The following NLGN1 variants were observed in gnomAD, a reference collection of about 807,000 sequenced individuals.
NLGN1 encodes neuroligin-1.
In NLGN1, 12 loss-of-function variants were observed where a neutral mutation model predicts 65.5. That is an observed-to-expected ratio of 0.18 (90% CI 0.12 to 0.30). NLGN1 has a LOEUF of 0.30. Among genes scored for constraint, NLGN1 ranks in the 10% least tolerant of loss-of-function variants. The probability of loss-of-function intolerance (pLI) is 1.00; values close to 1 mark genes in which losing one functional copy is unlikely to be tolerated. For missense variants in NLGN1, 750 were observed against 1,007.1 expected, an observed-to-expected ratio of 0.74 and a Z score of 3.46; for synonymous variants, 350 against 359.5, an observed-to-expected ratio of 0.97 and a Z score of 0.30.
At chr3:173,932,326 A>G (rs1232705077) in intron 4 of NLGN1, among the ~76,000 whole-genome samples, 2 of 152,204 alleles carry the variant, frequency 1.3e-5, no homozygotes, top group Non-Finnish European at 1.5e-5. Context: ...CATAAGAAAT[A>G]AATTAATCTA....
intron 4 of NLGN1, among the ~76,000 whole-genome samples, chr3:174,009,017 A>G (rs1174722961): frequency 6.6e-6 from 1 of 152,130 alleles, no homozygotes; most frequent in Non-Finnish European, 1.5e-5. Flanking sequence ...ACCCTGGGTG[A>G]CTTAGCAATG....
At chr3:173,940,314 C>CCTGA (rs1403382143) in intron 4 of NLGN1, among the ~76,000 whole-genome samples, 1 of 151,920 alleles carries the variant, frequency 6.6e-6, no homozygotes, top group African/African-American at 2.4e-5. Flanking sequence ...GTCTCGAACC[C>CCTGA]CTGACCTCAG....
intron 4 of NLGN1, among the ~76,000 whole-genome samples, chr3:174,058,024 G>A (rs556321585): frequency 6.6e-6 from 1 of 152,084 alleles, no homozygotes; most frequent in Non-Finnish European, 1.5e-5. Context: ...TTGTAGCTAA[G>A]ATGATTTATT....
At chr3:173,799,568 G>A (rs535408167) in intron 3 of NLGN1, among the ~76,000 whole-genome samples, 3 of 151,832 alleles carry the variant, frequency 2.0e-5, no homozygotes, top group South Asian at 2.1e-4. Flanking sequence ...GCCCTGACTC[G>A]GTAACTACCT....
At chr3:173,758,097 A>G (rs181638836) in intron 3 of NLGN1, among the ~76,000 whole-genome samples, 83 of 152,158 alleles carry the variant, frequency 5.5e-4, no homozygotes, top group Non-Finnish European at 8.7e-4. Flanking sequence ...TGCTGGCCTT[A>G]TAAGAAGAGG....
intron 4 of NLGN1, among the ~76,000 whole-genome samples, chr3:173,918,257 A>G (rs979417401): frequency 1.1e-4 from 16 of 152,124 alleles, no homozygotes; most frequent in African/African-American, 3.9e-4. Context: ...TGCAACATGA[A>G]ATGACCTCAC....
chr3:174,035,170 T>C (rs1433511876), intron 4 of NLGN1, among the ~76,000 whole-genome samples: 1 of 152,198 alleles, frequency 6.6e-6, no homozygotes, highest in East Asian at 1.9e-4. Context: ...GAGTGGTATT[T>C]ACTCTATGTT....
chr3:174,206,284 C>T (rs1340126731), intron 4 of NLGN1, among the ~76,000 whole-genome samples: 8 of 152,138 alleles, frequency 5.3e-5, no homozygotes, highest in African/African-American at 1.9e-4. Context: ...CCTCTGCATG[C>T]AGTGACAGGG....
intron 2 of NLGN1, among the ~76,000 whole-genome samples, chr3:173,553,512 G>A (rs1443521462): frequency 1.3e-5 from 2 of 152,136 alleles, no homozygotes; most frequent in Non-Finnish European, 2.9e-5. Context: ...TCAAGCCGAG[G>A]TTTACCCAAT....
At chr3:173,686,332 A>G (rs1298324582) in intron 3 of NLGN1, among the ~76,000 whole-genome samples, 1 of 151,964 alleles carries the variant, frequency 6.6e-6, no homozygotes, top group Non-Finnish European at 1.5e-5. Flanking sequence ...AATAAGTAAA[A>G]ATTTCTTTTA....
chr3:173,467,292 T>C lies in NLGN1; in HGVS notation c.-321+32214T>C, dbSNP rs549781449. ...TAGAATCATTTTAAATATATACATA[T>C]TGTTATCGATAGTAATTTACATTGC... On this transcript the variant is annotated intron_variant, in intron 2 of 6. Transcript: ENST00000457714. 1.9e-3 allele frequency among the ~76,000 whole-genome samples: 290 copies of C among 152,240 alleles called. 1 individual carries two copies. Among genetic ancestry groups the C allele is most frequent in the Admixed American group, 5.8e-3 (88 of 15,262 alleles).
intron 2 of NLGN1, among the ~76,000 whole-genome samples, chr3:173,522,603 T>TG (rs1734949087): frequency 1.3e-5 from 2 of 151,858 alleles, no homozygotes; most frequent in South Asian, 4.2e-4. Flanking sequence ...GCTAATTTTT[T>TG]TTTGTATTTT....
At chr3:174,133,884 A>G (rs1023057859) in intron 4 of NLGN1, among the ~76,000 whole-genome samples, 5 of 121,358 alleles carry the variant, frequency 4.1e-5, no homozygotes, top group Admixed American at 3.0e-4. Context: ...CCCCCACCAC[A>G]CCCCACAAAA....
At chr3:173,968,382 A>T (rs1715344146) in intron 4 of NLGN1, among the ~76,000 whole-genome samples, 1 of 152,142 alleles carries the variant, frequency 6.6e-6, no homozygotes, top group Non-Finnish European at 1.5e-5. Flanking sequence ...TAATTTTAAA[A>T]ACAACTGATT....
intron 3 of NLGN1, among the ~76,000 whole-genome samples, chr3:173,610,139 C>T (rs1752063411): frequency 6.6e-6 from 1 of 151,770 alleles, no homozygotes; most frequent in South Asian, 2.1e-4. Flanking sequence ...AGGGTAGTAA[C>T]CACGGAAGTG....
At chr3:173,635,008 T>G (rs938031220) in intron 3 of NLGN1, among the ~76,000 whole-genome samples, 1 of 152,124 alleles carries the variant, frequency 6.6e-6, no homozygotes, top group Non-Finnish European at 1.5e-5. Flanking sequence ...ATTTTTAATC[T>G]CTTCTAAAAT....
In NLGN1 at chr3:174,132,365, C is replaced by T. The variant is rs73046233; in HGVS notation, c.647-142950C>T. Among the ~76,000 whole-genome samples, 30 of 152,174 alleles carry T rather than the reference C, an allele frequency of 2.0e-4. No homozygotes were observed. In the East Asian group the frequency reaches 4.3e-3, roughly 22 times the overall value. On this transcript the variant is annotated intron_variant, in intron 4 of 6. Coordinates refer to ENST00000457714, the Ensembl canonical transcript of NLGN1. ...CTGATTGCATTTGCAAACCCATCTC[C>T]GAAAGGTAGGATATTGAAATTTTTT...
chr3:173,848,241 G>A (rs1321300446), intron 4 of NLGN1, among the ~76,000 whole-genome samples: 3 of 152,174 alleles, frequency 2.0e-5, no homozygotes, highest in African/African-American at 7.2e-5. Flanking sequence ...CACACAGTAA[G>A]CATGAACTCA....
intron 4 of NLGN1, among the ~76,000 whole-genome samples, chr3:173,975,940 C>T (rs947013893): frequency 2.0e-5 from 3 of 151,998 alleles, no homozygotes; most frequent in Non-Finnish European, 2.9e-5. Flanking sequence ...CACTGCTGTA[C>T]CTTCAGCACC....
Sources: gnomAD v4.1 joint callset for allele counts (sites outside exome capture counted in the v4.1 genomes callset) on GRCh38, gnomAD v4.1.1 for gene constraint, MANE v1.5 for transcripts, NCBI Gene and HGNC (gene_info 2026-07-23, HGNC 2026-07-21) for gene names.